The following ADAMTS3 variants were observed in gnomAD, a reference collection of about 807,000 sequenced individuals.
The protein encoded by ADAMTS3 is A disintegrin and metalloproteinase with thrombospondin motifs 3.
Under a neutral mutation model 129.0 loss-of-function variants are expected in ADAMTS3, and 73 were observed. That is an observed-to-expected ratio of 0.57 (90% CI 0.47 to 0.69). The LOEUF is 0.69. Among genes scored for constraint, ADAMTS3 ranks in the 30% least tolerant of loss-of-function variants. ADAMTS3 has a pLI of 0.00. For synonymous variants in ADAMTS3, 477 were observed against 510.8 expected (o/e 0.93, Z 0.89); for missense variants, 1,457 against 1,514.5 (o/e 0.96, Z 0.63).
At chr4:72,512,420 A>G (rs1288600181) in intron 3 of ADAMTS3, among the ~76,000 whole-genome samples, 1 of 152,162 alleles carries the variant, frequency 6.6e-6, no homozygotes, top group African/African-American at 2.4e-5. Context: ...TGAACCCAGG[A>G]GGCAGAGGTT....
At chr4:72,467,464 T>A (rs879865232) in intron 3 of ADAMTS3, among the ~76,000 whole-genome samples, 32 of 152,090 alleles carry the variant, frequency 2.1e-4, no homozygotes, top group Non-Finnish European at 4.1e-4. Flanking sequence ...AGATTCCAGC[T>A]TGTTAATATA....
Position 72,283,568 on chromosome 4 carries a change from A to T in ADAMTS3, c.3186T>A (p.Leu1062=). The T allele has an allele frequency of 6.2e-7, 1 of 1,614,032 alleles. No individual in the cohort carries two copies. The highest frequency in any genetic ancestry group is 8.5e-7 in the Non-Finnish European group (1 of 1,179,956). The change falls in exon 22 of 22, where the codon CTT becomes CTA. Residue 1062 remains leucine (L), a synonymous_variant. Transcript: ENST00000286657. ...KRSSTLPPPY[L]LEAAETHDDV... ...CATCATGAGTTTCAGCAGCTTCTAG[A>T]AGGTATGGTGGTGGCAGGGTGCTAC...
chr4:72,529,224 G>A (rs904946800), intron 3 of ADAMTS3, among the ~76,000 whole-genome samples: 19 of 152,256 alleles, frequency 1.2e-4, no homozygotes, highest in South Asian at 2.1e-4. Context: ...TACAGTAAAC[G>A]AAGTAAGGAG....
intron 3 of ADAMTS3, among the ~76,000 whole-genome samples, chr4:72,493,638 T>G (rs116758678): frequency 1.2e-3 from 182 of 152,222 alleles, no homozygotes; most frequent in African/African-American, 4.2e-3. Context: ...TTGATGATGT[T>G]ACATTAATTT....
chr4:72,287,430 G>A (rs1718535257), intron 21 of ADAMTS3, among the ~76,000 whole-genome samples: 1 of 151,026 alleles, frequency 6.6e-6, no homozygotes, highest in Admixed American at 6.6e-5. Context: ...AAGAGAAAGG[G>A]AGAGGGTGAA....
At chr4:72,306,826 A>G (rs770269630) in intron 15 of ADAMTS3, among the ~76,000 whole-genome samples, 11 of 152,034 alleles carry the variant, frequency 7.2e-5, no homozygotes, top group Admixed American at 4.6e-4. Context: ...TTAAAATCAT[A>G]TATCATTCCT....
intron 3 of ADAMTS3, among the ~76,000 whole-genome samples, chr4:72,487,336 T>C (rs1578726737): frequency 6.6e-6 from 1 of 152,042 alleles, no homozygotes; most frequent in African/African-American, 2.4e-5. Flanking sequence ...AAATAGGTCT[T>C]CAAAAAATTT....
At chr4:72,457,337 C>T (rs1178067081) in intron 3 of ADAMTS3, among the ~76,000 whole-genome samples, 1 of 151,496 alleles carries the variant, frequency 6.6e-6, no homozygotes, top group African/African-American at 2.4e-5. Flanking sequence ...CTTTAATTGA[C>T]TTGTAGTATA....
chr4:72,364,671 T>A (rs1720822761), intron 4 of ADAMTS3, among the ~76,000 whole-genome samples: 1 of 151,436 alleles, frequency 6.6e-6, no homozygotes, highest in Admixed American at 6.6e-5. Flanking sequence ...AAAAACAGAG[T>A]TATGTGCAAT....
chr4:72,501,027 A>G (rs1414329251), intron 3 of ADAMTS3, among the ~76,000 whole-genome samples: 1 of 152,118 alleles, frequency 6.6e-6, no homozygotes, highest in African/African-American at 2.4e-5. Context: ...CTTATTGTAT[A>G]GTTTGAGGTC....
rs1560537453 is a variant in ADAMTS3, at chr4:72,494,466, CT to C, written c.504+54011del. The stretch of plus-strand genomic sequence containing the variant: ...TCTTTGTTGAACTTCTTGTTTTGTT[CT>C]TGTATTGTTTTCTGATTTTGTTAAG... On this transcript the variant is annotated intron_variant, in intron 3 of 21. Coordinates refer to ENST00000286657, the MANE Select transcript of ADAMTS3 (RefSeq NM_014243.3). Among the ~76,000 whole-genome samples the C allele has an allele frequency of 2.0e-5, 3 of 152,008 alleles. No homozygotes were observed. In the East Asian group the frequency reaches 5.8e-4, roughly 29 times the overall value.
At chr4:72,333,029 ACTGT>A (rs1171693074) in intron 5 of ADAMTS3, among the ~76,000 whole-genome samples, 1 of 152,100 alleles carries the variant, frequency 6.6e-6, no homozygotes, top group Non-Finnish European at 1.5e-5. Flanking sequence ...TGCCATACTA[ACTGT>A]CTGACCCTGG....
intron 3 of ADAMTS3, among the ~76,000 whole-genome samples, chr4:72,466,565 G>T (rs777660667): frequency 6.6e-6 from 1 of 151,968 alleles, no homozygotes; most frequent in Non-Finnish European, 1.5e-5. Flanking sequence ...ATGTGGGGGT[G>T]GGAAAGAATG....
chr4:72,319,864 C>G lies in ADAMTS3; in HGVS notation c.1202G>C (p.Gly401Ala). The stretch of plus-strand genomic sequence containing the variant: ...GCTGTCAGCAGTGACTTACACATGG[C>G]CCGTTTCATGGGCTACTACAAAAGC... ...SSAFVVAHET[G>A]HVLGMEHDGQ... Residue 401 changes from glycine to alanine, a missense_variant, in exon 8 of 22, where the codon GGC (glycine) becomes GCC (alanine). Physicochemically the swap from Gly to Ala is moderately conservative, Grantham distance 60. Coordinates refer to ENST00000286657, the MANE Select transcript of ADAMTS3 (RefSeq NM_014243.3). 1 of 1,612,856 alleles carries G rather than the reference C, an allele frequency of 6.2e-7. No individual in the cohort carries two copies. The highest frequency in any genetic ancestry group is 8.5e-7 in the Non-Finnish European group (1 of 1,179,002).
rs762531634 is a variant in ADAMTS3, at chr4:72,568,675, G to T, written c.69+19C>A. ...GGTTGGGTTTGAGTTTTTTTTTATT[G>T]TTATTATTTTCCACTTACTTGTCCA... On this transcript the variant is annotated intron_variant, in intron 1 of 21. Coordinates refer to ENST00000286657, the MANE Select transcript of ADAMTS3 (RefSeq NM_014243.3). 1 of 1,605,076 alleles carries T rather than the reference G, an allele frequency of 6.2e-7. No homozygotes were observed. Among genetic ancestry groups the T allele is most frequent in the Admixed American group, 1.7e-5 (1 of 59,548 alleles).
At chr4:72,455,561 G>A (rs921210891) in intron 3 of ADAMTS3, among the ~76,000 whole-genome samples, 6 of 148,958 alleles carry the variant, frequency 4.0e-5, no homozygotes, top group Non-Finnish European at 5.9e-5. Flanking sequence ...ATCATGGTAC[G>A]TGTATAGCTA....
intron 3 of ADAMTS3, among the ~76,000 whole-genome samples, chr4:72,503,929 G>T (rs1297367728): frequency 6.6e-6 from 1 of 152,010 alleles, no homozygotes; most frequent in Non-Finnish European, 1.5e-5. Flanking sequence ...CCTGCTCTTT[G>T]TTGTGTTCTT....
At chr4:72,412,809 T>A (rs1722214446) in intron 4 of ADAMTS3, among the ~76,000 whole-genome samples, 1 of 152,048 alleles carries the variant, frequency 6.6e-6, no homozygotes, top group Admixed American at 6.6e-5. Flanking sequence ...TTACTCTAGT[T>A]GGTGGCCTAC....
At chr4:72,373,899 AAATAATAATAATAATAATAATAATAAT>A (rs58311705) in intron 4 of ADAMTS3, among the ~76,000 whole-genome samples, 26,770 of 141,054 alleles carry the variant, frequency 0.19, 3,285 homozygotes, top group East Asian at 0.45. Context: ...CCCCATCTCA[AAATAATAATAATAATAATAATAATAAT>A]AATAATAATA....
Sources: gnomAD v4.1 joint callset for allele counts (sites outside exome capture counted in the v4.1 genomes callset) on GRCh38, gnomAD v4.1.1 for gene constraint, MANE v1.5 for transcripts, NCBI Gene and HGNC (gene_info 2026-07-23, HGNC 2026-07-21) for gene names.